Variants in RABEP1 observed in about 807,000 individuals in gnomAD.
The protein encoded by RABEP1 is rabaptin, RAB GTPase binding effector protein 1.
RABEP1 carries 51 observed loss-of-function variants against 123.4 expected under a neutral mutation model. The observed-to-expected ratio is 0.41, with a 90% CI of 0.33 to 0.52. The LOEUF (loss-of-function observed/expected upper bound fraction) is 0.52. Ranked by LOEUF, RABEP1 falls within the 20% of genes least tolerant of loss-of-function variation. RABEP1 has a pLI of 0.16. For missense variants in RABEP1, 888 were observed against 996.3 expected, an observed-to-expected ratio of 0.89 and a Z score of 1.46; for synonymous variants, 347 against 355.2, an observed-to-expected ratio of 0.98 and a Z score of 0.26.
At chr17:5,298,809 C>T (rs1425757899) in intron 1 of RABEP1, among the ~76,000 whole-genome samples, 1 of 152,134 alleles carries the variant, frequency 6.6e-6, no homozygotes, top group Non-Finnish European at 1.5e-5. Flanking sequence ...GCGTCCGCCA[C>T]CACGCCCGGC....
chr17:5,323,705 T>TATATATATATCTAGGA (rs1567521981), intron 2 of RABEP1, among the ~76,000 whole-genome samples: 2,246 of 129,868 alleles, frequency 0.017, 483 homozygotes, highest in East Asian at 0.035. Context: ...TCTCTAGGAA[T>TATATATATATCTAGGA]ATATATATAT....
At position 5,383,621 on chromosome 17, in the gene RABEP1, G is replaced by A. The variant is rs759423810; in HGVS notation, c.*398G>A. 77 of 270,428 alleles carry A rather than the reference G, an allele frequency of 2.8e-4. No homozygotes were observed. The highest frequency in any genetic ancestry group is 4.6e-4 in the Non-Finnish European group (64 of 140,298). The allele number at this position is 270,428 out of a possible 1,614,324, so 16.8% of individuals were successfully genotyped here. ...TTGGAAGAGAGAATTTGCTTTATCTGTTGTCTAGAGCTCATCAGTAACAGT... is the reference window on the plus strand; with the variant it reads ...TTGGAAGAGAGAATTTGCTTTATCTATTGTCTAGAGCTCATCAGTAACAGT... On this transcript the variant is annotated 3_prime_UTR_variant, in exon 18 of 18. Transcript: ENST00000537505.
intron 1 of RABEP1, among the ~76,000 whole-genome samples, chr17:5,301,266 C>T (rs984618357): frequency 7.2e-5 from 11 of 152,128 alleles, no homozygotes; most frequent in African/African-American, 2.7e-4. Flanking sequence ...CTTTACACTG[C>T]TCTATTCTGA....
At chr17:5,373,559 A>G in intron 13 of RABEP1, 105 bp downstream of exon 13, 5 of 1,244,732 alleles carry the variant, frequency 4.0e-6, no homozygotes, top group Admixed American at 2.5e-5. Flanking sequence ...TCACGTGCCA[A>G]TTCAACCATT....
chr17:5,384,056 A>G lies in RABEP1; in HGVS notation c.*833A>G, dbSNP rs2144747485. ...TCTAGTTATTGGATCAGTGAAAAAC[A>G]TTAGTATACGTTTTTAAATAGGCTA... On this transcript the variant is annotated 3_prime_UTR_variant, in exon 18 of 18. Transcript: ENST00000537505. 1 of 216,862 alleles carries G rather than the reference A, an allele frequency of 4.6e-6. No individual in the cohort carries two copies. The highest frequency in any genetic ancestry group is 6.9e-5 in the East Asian group (1 of 14,496). 13.4% of individuals were successfully genotyped at this position (216,862 alleles called of 1,614,324 possible). A position where few individuals can be genotyped will look rare whatever the true frequency, so the allele number is the denominator to read the frequency against.
At chr17:5,294,527 C>G (rs1186013970) in intron 1 of RABEP1, among the ~76,000 whole-genome samples, 1 of 150,056 alleles carries the variant, frequency 6.7e-6, no homozygotes, top group East Asian at 2.0e-4. Flanking sequence ...AAGTTATATG[C>G]AAATACTACA....
intron 8 of RABEP1, among the ~76,000 whole-genome samples, chr17:5,357,279 A>G (rs1909107987): frequency 1.3e-5 from 2 of 152,188 alleles, no homozygotes; most frequent in Admixed American, 6.5e-5. Flanking sequence ...ACATCATTAA[A>G]TGTTTTTCCC....
At chr17:5,357,193 A>G (rs1909099806) in intron 8 of RABEP1, among the ~76,000 whole-genome samples, 1 of 151,860 alleles carries the variant, frequency 6.6e-6, no homozygotes, top group African/African-American at 2.4e-5. Flanking sequence ...CACTTTTAAA[A>G]CATAATCTAG....
At chr17:5,308,376 C>T (rs558730547) in intron 1 of RABEP1, among the ~76,000 whole-genome samples, 41 of 152,180 alleles carry the variant, frequency 2.7e-4, no homozygotes, top group African/African-American at 9.4e-4. Flanking sequence ...CAGGCACCTG[C>T]CACTACACCT....
intron 17 of RABEP1, 106 bp downstream of exon 17, chr17:5,381,611 T>TG: frequency 6.8e-7 from 1 of 1,466,022 alleles, no homozygotes; most frequent in Admixed American, 2.3e-5. Flanking sequence ...GTTTAGAGAC[T>TG]GGCTGCTCCT....
intron 2 of RABEP1, among the ~76,000 whole-genome samples, chr17:5,316,832 C>CAAAAAAAAAAAAAAAAAAAAAA (rs55890740): frequency 1.5e-5 from 1 of 67,176 alleles, no homozygotes; most frequent in Admixed American, 2.3e-4. Flanking sequence ...GACTCTGTCT[C>CAAAAAAAAAAAAAAAAAAAAAA]AAAAAAAAAA....
At chr17:5,304,860 G>T (rs2075166350) in intron 1 of RABEP1, among the ~76,000 whole-genome samples, 1 of 152,178 alleles carries the variant, frequency 6.6e-6, no homozygotes, top group Non-Finnish European at 1.5e-5. Flanking sequence ...CTTGAGGTTG[G>T]AAGTGACTTC....
intron 2 of RABEP1, among the ~76,000 whole-genome samples, chr17:5,313,951 T>A (rs1427620716): frequency 2.0e-5 from 3 of 152,338 alleles, no homozygotes; most frequent in African/African-American, 7.2e-5. Context: ...GTATCTACTG[T>A]GAAGTCTAAA....
intron 8 of RABEP1, among the ~76,000 whole-genome samples, chr17:5,354,793 G>C (rs1908876310): frequency 6.6e-6 from 1 of 152,116 alleles, no homozygotes; most frequent in Non-Finnish European, 1.5e-5. Flanking sequence ...GATGTGAATA[G>C]TACATGTTGC....
At chr17:5,337,094 C>T (rs1167333939) in intron 4 of RABEP1, among the ~76,000 whole-genome samples, 3 of 152,092 alleles carry the variant, frequency 2.0e-5, no homozygotes, top group African/African-American at 7.2e-5. Flanking sequence ...ATTTTCTCAC[C>T]AGTTTACTAG....
intron 1 of RABEP1, among the ~76,000 whole-genome samples, chr17:5,289,028 A>C (rs1213632914): frequency 6.6e-6 from 1 of 152,028 alleles, no homozygotes; most frequent in Non-Finnish European, 1.5e-5. Flanking sequence ...TTTAATTTGC[A>C]CTTCCAGGAT....
intron 17 of RABEP1, 132 bp downstream of exon 17, chr17:5,381,637 G>A (rs1306891877): frequency 1.4e-6 from 2 of 1,402,438 alleles, no homozygotes; most frequent in African/African-American, 2.9e-5. Flanking sequence ...CACCCCAAAT[G>A]TCTGACTCAT....
intron 13 of RABEP1, among the ~76,000 whole-genome samples, chr17:5,373,953 G>A (rs531597362): frequency 6.6e-6 from 1 of 152,200 alleles, no homozygotes; most frequent in Non-Finnish European, 1.5e-5. Flanking sequence ...GATTGAGAGT[G>A]TGCCAGAAAT....
chr17:5,361,818 C>T, intron 9 of RABEP1, 143 bp downstream of exon 9: 1 of 675,230 alleles, frequency 1.5e-6, no homozygotes, highest in Admixed American at 3.0e-5. Flanking sequence ...CGTGTGTCAC[C>T]TGACCCTTGT....
Sources: allele counts gnomAD v4.1 joint callset (sites outside exome capture counted in the v4.1 genomes callset), GRCh38; gene constraint gnomAD v4.1.1; transcripts MANE v1.5; gene names NCBI Gene and HGNC (gene_info 2026-07-23, HGNC 2026-07-21).